Variants in CDIN1 observed in about 807,000 individuals in gnomAD.
CDIN1 encodes the protein CDAN1 interacting nuclease 1, also known as CDAN1-interacting nuclease 1.
A neutral mutation model predicts 45.3 loss-of-function variants in CDIN1; 33 were observed. The observed-to-expected ratio is 0.73, with a 90% CI of 0.55 to 0.97. The LOEUF (loss-of-function observed/expected upper bound fraction) is 0.97. Ranked by LOEUF, CDIN1 falls within the 50% of genes least tolerant of loss-of-function variation. The pLI is 0.00. For missense variants in CDIN1, 303 were observed against 339.4 expected (o/e 0.89, Z 0.84); for synonymous variants, 118 against 124.4 (o/e 0.95, Z 0.34).
At chr15:36,761,570 A>C (rs1869263) in intron 10 of CDIN1, among the ~76,000 whole-genome samples, 1 of 151,978 alleles carries the variant, frequency 6.6e-6, no homozygotes, top group Non-Finnish European at 1.5e-5. Flanking sequence ...AGGCGCTGTC[A>C]TGGAGTCAGG....
intron 1 of CDIN1, among the ~76,000 whole-genome samples, chr15:36,585,459 A>G (rs1412449937): frequency 6.6e-6 from 1 of 152,124 alleles, no homozygotes; most frequent in African/African-American, 2.4e-5. Context: ...GTACTGGTCA[A>G]TTTTATAGAA....
At chr15:36,591,334 G>A (rs1299619226) in intron 1 of CDIN1, among the ~76,000 whole-genome samples, 1 of 152,152 alleles carries the variant, frequency 6.6e-6, no homozygotes, top group Admixed American at 6.5e-5. Flanking sequence ...TATTGGTAGG[G>A]AAAGCTAATA....
intron 1 of CDIN1, among the ~76,000 whole-genome samples, chr15:36,605,091 T>C (rs1335275553): frequency 6.6e-6 from 1 of 152,208 alleles, no homozygotes; most frequent in African/African-American, 2.4e-5. Flanking sequence ...TCTCAAACTT[T>C]GAATCTGATT....
intron 10 of CDIN1, among the ~76,000 whole-genome samples, chr15:36,765,484 A>G (rs1272316954): frequency 1.3e-5 from 2 of 152,216 alleles, no homozygotes; most frequent in Non-Finnish European, 2.9e-5. Context: ...GGGGATAAAA[A>G]TAGATCTATA....
At chr15:36,587,102 T>G (rs542144753) in intron 1 of CDIN1, among the ~76,000 whole-genome samples, 10 of 152,334 alleles carry the variant, frequency 6.6e-5, no homozygotes, top group African/African-American at 2.4e-4. Flanking sequence ...CATAAATCGC[T>G]AAGCAAATAG....
intron 1 of CDIN1, among the ~76,000 whole-genome samples, chr15:36,604,926 T>G (rs954513320): frequency 3.9e-5 from 6 of 152,114 alleles, no homozygotes; most frequent in Non-Finnish European, 8.8e-5. Context: ...ATATCTAAGA[T>G]TCACATGGTT....
intron 8 of CDIN1, among the ~76,000 whole-genome samples, chr15:36,703,711 ACACT>A (rs2140798395): frequency 6.6e-6 from 1 of 152,218 alleles, no homozygotes; most frequent in African/African-American, 2.4e-5. Flanking sequence ...GCACTGGCTC[ACACT>A]CACCCATGTG....
At chr15:36,716,048 A>T (rs1247018610) in intron 10 of CDIN1, among the ~76,000 whole-genome samples, 8 of 152,182 alleles carry the variant, frequency 5.3e-5, no homozygotes, top group African/African-American at 1.9e-4. Flanking sequence ...TATTCGTAAT[A>T]AGGAGACAAT....
At chr15:36,751,071 G>A (rs918602459) in intron 10 of CDIN1, among the ~76,000 whole-genome samples, 1 of 151,488 alleles carries the variant, frequency 6.6e-6, no homozygotes, top group Admixed American at 6.6e-5. Flanking sequence ...ACGGTACTGG[G>A]TAAGGGAAGC....
At chr15:36,612,168 T>G (rs1489828057) in intron 1 of CDIN1, among the ~76,000 whole-genome samples, 1 of 152,198 alleles carries the variant, frequency 6.6e-6, no homozygotes, top group Non-Finnish European at 1.5e-5. Flanking sequence ...TTCTGGCTAT[T>G]GCAGAGTAAG....
At chr15:36,639,424 G>A (rs2040020717) in intron 1 of CDIN1, among the ~76,000 whole-genome samples, 1 of 152,176 alleles carries the variant, frequency 6.6e-6, no homozygotes, top group Non-Finnish European at 1.5e-5. Flanking sequence ...GGCCAACATG[G>A]TGAAACCCTG....
chr15:36,732,529 CCTTT>C (rs1056115786), intron 10 of CDIN1, among the ~76,000 whole-genome samples: 4 of 152,094 alleles, frequency 2.6e-5, no homozygotes, highest in African/African-American at 9.6e-5. Context: ...CAAAAAATGT[CCTTT>C]CTTTGAAAAA....
chr15:36,661,397 T>C (rs2041006803), intron 5 of CDIN1, among the ~76,000 whole-genome samples: 1 of 152,052 alleles, frequency 6.6e-6, no homozygotes, highest in South Asian at 2.1e-4. Context: ...TAATAAGTAA[T>C]AGGGAGACTC....
At chr15:36,728,338 C>G (rs373486611) in intron 10 of CDIN1, among the ~76,000 whole-genome samples, 4 of 152,050 alleles carry the variant, frequency 2.6e-5, no homozygotes, top group Admixed American at 6.6e-5. Context: ...TCCCAGTAAC[C>G]AACATTAAAA....
At chr15:36,654,041 A>C in intron 3 of CDIN1, 57 bp from the exon 4 acceptor site, 1 of 1,318,736 alleles carries the variant, frequency 7.6e-7, no homozygotes, top group Non-Finnish European at 1.1e-6. Flanking sequence ...GGATGCTGAC[A>C]AGTCTATGCT....
At chr15:36,625,577 A>T (rs1473824210) in intron 1 of CDIN1, among the ~76,000 whole-genome samples, 1 of 152,208 alleles carries the variant, frequency 6.6e-6, no homozygotes, top group African/African-American at 2.4e-5. Flanking sequence ...GTAAAATTAG[A>T]TTACTTCATA....
intron 1 of CDIN1, among the ~76,000 whole-genome samples, chr15:36,637,677 C>T (rs1458525903): frequency 1.3e-5 from 2 of 152,046 alleles, no homozygotes; most frequent in African/African-American, 4.8e-5. Flanking sequence ...AGTGAGTCCA[C>T]AGTAGTAATA....
intron 10 of CDIN1, among the ~76,000 whole-genome samples, chr15:36,794,819 T>G (rs1341403810): frequency 6.6e-6 from 1 of 152,114 alleles, no homozygotes. Context: ...AATCAGCATA[T>G]CAAAAAGATA....
chr15:36,775,804 G>A (rs955118199), intron 10 of CDIN1, among the ~76,000 whole-genome samples: 6 of 152,002 alleles, frequency 3.9e-5, no homozygotes, highest in East Asian at 3.9e-4. Context: ...AACCTACTTC[G>A]TAATTTTACA....
Sources: allele counts gnomAD v4.1 joint callset (sites outside exome capture counted in the v4.1 genomes callset), GRCh38; gene constraint gnomAD v4.1.1; transcripts MANE v1.5; gene names NCBI Gene and HGNC (gene_info 2026-07-23, HGNC 2026-07-21).